Variants in RAMP3 observed in about 807,000 individuals in gnomAD.
RAMP3 encodes the protein receptor activity modifying protein 3, also known as receptor activity-modifying protein 3.
RAMP3 carries 14 observed loss-of-function variants against 13.5 expected under a neutral mutation model. The observed-to-expected ratio is 1.04, with a 90% CI of 0.69 to 1.63. RAMP3 has a LOEUF of 1.63. Ranked by LOEUF, RAMP3 falls within the 40% of genes most tolerant of loss-of-function variation. The pLI, the probability that RAMP3 is intolerant of heterozygous loss-of-function variation, is 0.00. For missense variants in RAMP3, 200 were observed against 204.8 expected, an observed-to-expected ratio of 0.98 and a Z score of 0.14; for synonymous variants, 106 against 88.3, an observed-to-expected ratio of 1.20 and a Z score of -1.12.
At chr7:45,168,382 G>A (rs1786012704) in intron 1 of RAMP3, among the ~76,000 whole-genome samples, 1 of 130,434 alleles carries the variant, frequency 7.7e-6, no homozygotes, top group African/African-American at 3.2e-5. Flanking sequence ...CTCCAGCTTG[G>A]GTGACAGAGT....
rs138269401 is a variant in RAMP3, at chr7:45,177,436, C to T, written c.186C>T (p.Phe62=). The T allele has an allele frequency of 2.6e-4, 413 of 1,614,082 alleles. 2 individuals carry two copies. The African/African-American group carries it at 4.5e-3, about 18-fold the overall frequency. The stretch of plus-strand genomic sequence containing the variant: ...GGAAGTGGTGCAACCTGTCCGAGTT[C>T]ATCGTGTGAGTGCCACTGCTGGGCG... The part of the protein sequence containing the change: ...DVWKWCNLSE[F]IVYYESFTNC... Residue 62 remains phenylalanine, a synonymous_variant, in exon 2 of 3, where the codon TTC becomes TTT. Coordinates refer to ENST00000242249, the MANE Select transcript of RAMP3 (RefSeq NM_005856.3).
chr7:45,180,767 C>T (rs539769943), intron 2 of RAMP3, among the ~76,000 whole-genome samples: 30 of 152,336 alleles, frequency 2.0e-4, no homozygotes, highest in African/African-American at 7.0e-4. Flanking sequence ...GGGGGTTTGC[C>T]CGGCTTCCAG....
intron 1 of RAMP3, among the ~76,000 whole-genome samples, chr7:45,172,502 G>T (rs116367125): frequency 6.6e-6 from 1 of 152,150 alleles, no homozygotes; most frequent in South Asian, 2.1e-4. Context: ...TTTCAACAGA[G>T]TCTCACTTTG....
intron 1 of RAMP3, among the ~76,000 whole-genome samples, chr7:45,162,024 A>T (rs1785877181): frequency 6.6e-6 from 1 of 152,186 alleles, no homozygotes; most frequent in Admixed American, 6.5e-5. Flanking sequence ...AGTCCAAGGC[A>T]GGGGCAGCTT....
chr7:45,158,490 T>G (rs944618978), intron 1 of RAMP3, among the ~76,000 whole-genome samples: 1 of 152,206 alleles, frequency 6.6e-6, no homozygotes, highest in Admixed American at 6.5e-5. Flanking sequence ...GAAGAACCAT[T>G]GCTCACAAAA....
chr7:45,163,013 T>G (rs1312866440), intron 1 of RAMP3: 2 of 325,362 alleles, frequency 6.1e-6, no homozygotes, highest in African/African-American at 4.5e-5. Context: ...CTTGAGGTCT[T>G]CAGGTGATGG....
chr7:45,176,504 C>A (rs1786190104), intron 1 of RAMP3, among the ~76,000 whole-genome samples: 1 of 151,870 alleles, frequency 6.6e-6, no homozygotes, highest in Non-Finnish European at 1.5e-5. Flanking sequence ...ATATGATGAG[C>A]ACCAAAGCAG....
chr7:45,183,429 G>C lies in RAMP3; in HGVS notation c.*17G>C. 1 of 1,608,646 alleles carries C rather than the reference G, an allele frequency of 6.2e-7. No homozygotes were observed. Among genetic ancestry groups the C allele is most frequent in the Non-Finnish European group, 8.5e-7 (1 of 1,179,162 alleles). On this transcript the variant is annotated 3_prime_UTR_variant, in exon 3 of 3. Transcript: ENST00000242249. ...CTGCTGTGAGGGTCCCGGTGAGATG[G>C]AGTGGGTCACACCTGGCAAGCTGGA... is the stretch of plus-strand genomic sequence containing the variant.
chr7:45,161,782 T>A (rs1442641608), intron 1 of RAMP3, among the ~76,000 whole-genome samples: 2 of 151,166 alleles, frequency 1.3e-5, no homozygotes, highest in African/African-American at 4.9e-5. Flanking sequence ...GGCCAAGTGG[T>A]CCAGGTCTAG....
chr7:45,162,813 AGTGAGT>A (rs1785889943), intron 1 of RAMP3, among the ~76,000 whole-genome samples: 1 of 152,130 alleles, frequency 6.6e-6, no homozygotes, highest in South Asian at 2.1e-4. Context: ...GGGGCAAGTG[AGTGAGT>A]GTCAGGGTCA....
chr7:45,173,232 C>G (rs1337683874), intron 1 of RAMP3, among the ~76,000 whole-genome samples: 1 of 152,164 alleles, frequency 6.6e-6, no homozygotes, highest in African/African-American at 2.4e-5. Context: ...TCCAGGCTTT[C>G]AGTTGTTTTC....
At position 45,183,223 on chromosome 7, in the gene RAMP3, C is replaced by T. The variant is rs745730164; in HGVS notation, c.258C>T (p.Asn86=). 1.9e-6 allele frequency: 3 copies of T among 1,613,628 alleles called. No homozygotes were observed. In the African/African-American group the frequency reaches 4.0e-5, roughly 22 times the overall value. ...ATGTCGTGGGCTGCTACTGGCCCAACCCCCTGGCCCAGGGCTTCATCACCG... is the reference window on the plus strand; with the variant it reads ...ATGTCGTGGGCTGCTACTGGCCCAATCCCCTGGCCCAGGGCTTCATCACCG... ...EANVVGCYWP[N]PLAQGFITGI... is the part of the protein sequence containing the mutation. Residue 86 remains asparagine, a synonymous_variant, in exon 3 of 3, where the codon AAC becomes AAT. Transcript: ENST00000242249.
intron 2 of RAMP3, 70 bp downstream of exon 2, chr7:45,177,511 C>T: frequency 1.3e-6 from 2 of 1,599,470 alleles, no homozygotes; most frequent in Non-Finnish European, 1.7e-6. Flanking sequence ...CACTGCCTGA[C>T]CACAGCCTGA....
chr7:45,173,972 C>T (rs1165546111), intron 1 of RAMP3, among the ~76,000 whole-genome samples: 1 of 151,802 alleles, frequency 6.6e-6, no homozygotes, highest in African/African-American at 2.4e-5. Flanking sequence ...GCCCAGTTGC[C>T]AAGGAGAGGG....
At chr7:45,175,537 G>T (rs1305486997) in intron 1 of RAMP3, among the ~76,000 whole-genome samples, 2 of 152,226 alleles carry the variant, frequency 1.3e-5, no homozygotes, top group African/African-American at 2.4e-5. Flanking sequence ...TCTCAGTGCT[G>T]TCAGCCTGGA....
chr7:45,158,726 A>G (rs1785811828), intron 1 of RAMP3, among the ~76,000 whole-genome samples: 1 of 152,108 alleles, frequency 6.6e-6, no homozygotes, highest in South Asian at 2.1e-4. Context: ...CCCTGGCTGT[A>G]AGATGCAGAG....
intron 1 of RAMP3, among the ~76,000 whole-genome samples, chr7:45,165,171 A>G (rs967975446): frequency 1.2e-4 from 18 of 152,074 alleles, no homozygotes; most frequent in African/African-American, 4.1e-4. Context: ...TTTATGGTAT[A>G]CATCTTTAAT....
chr7:45,158,668 G>T (rs1013830214), intron 1 of RAMP3, among the ~76,000 whole-genome samples: 2 of 80,660 alleles, frequency 2.5e-5, no homozygotes, highest in South Asian at 3.4e-4. Context: ...GGCCAGTTCT[G>T]GGGGGGACAT....
chr7:45,176,720 T>C (rs571627035), intron 1 of RAMP3, among the ~76,000 whole-genome samples: 101 of 152,316 alleles, frequency 6.6e-4, no homozygotes, highest in Admixed American at 2.6e-3. Flanking sequence ...GGGGAAATCC[T>C]GGGACAAGCA....
Sources: allele counts gnomAD v4.1 joint callset (sites outside exome capture counted in the v4.1 genomes callset), GRCh38; gene constraint gnomAD v4.1.1; transcripts MANE v1.5; gene names NCBI Gene and HGNC (gene_info 2026-07-23, HGNC 2026-07-21).